Variants in ADAMTSL3 observed in about 807,000 individuals in gnomAD.
ADAMTSL3 encodes ADAMTS like 3.
ADAMTSL3 carries 128 observed loss-of-function variants against 201.7 expected under a neutral mutation model. The observed-to-expected ratio is 0.63, with a 90% CI of 0.55 to 0.73. The LOEUF (loss-of-function observed/expected upper bound fraction) is 0.73. ADAMTSL3 is among the 30% of genes least tolerant of loss of function. ADAMTSL3 has a pLI of 0.00. For synonymous variants in ADAMTSL3, 738 were observed against 748.4 expected (o/e 0.99, Z 0.23); for missense variants, 1,990 against 2,119.6 (o/e 0.94, Z 1.20).
chr15:84,031,530 A>G, intron 28 of ADAMTSL3, 98 bp downstream of exon 28: 1 of 1,061,974 alleles, frequency 9.4e-7, no homozygotes, highest in Non-Finnish European at 1.4e-6. Flanking sequence ...AGTTTCTACC[A>G]ACTCTCATAA....
chr15:83,891,438 C>T, intron 12 of ADAMTSL3, 59 bp downstream of exon 12: 2 of 1,416,282 alleles, frequency 1.4e-6, no homozygotes, highest in South Asian at 1.2e-5. Flanking sequence ...GGAACTGTAG[C>T]ATCTGTAGCA....
At chr15:84,030,242 G>A (rs1429175847) in intron 27 of ADAMTSL3, among the ~76,000 whole-genome samples, 2 of 152,152 alleles carry the variant, frequency 1.3e-5, no homozygotes, top group African/African-American at 4.8e-5. Context: ...GCCTGGAAAA[G>A]CCACAGTCAC....
intron 15 of ADAMTSL3, among the ~76,000 whole-genome samples, chr15:83,900,636 C>T (rs553377936): frequency 6.6e-5 from 10 of 152,330 alleles, no homozygotes; most frequent in South Asian, 2.1e-4. Context: ...CTTTCCCTCT[C>T]GGAGCAGGCA....
chr15:83,926,684 T>C (rs1048079273), intron 17 of ADAMTSL3, among the ~76,000 whole-genome samples: 4 of 151,292 alleles, frequency 2.6e-5, no homozygotes, highest in African/African-American at 7.3e-5. Context: ...CACAATCTTA[T>C]GGCTCGCTGC....
chr15:83,936,370 A>G (rs2066461148), intron 17 of ADAMTSL3, among the ~76,000 whole-genome samples: 1 of 150,974 alleles, frequency 6.6e-6, no homozygotes, highest in African/African-American at 2.5e-5. Context: ...ATAAATGCTC[A>G]CAAAAACACA....
At chr15:83,944,347 A>C (rs2066616950) in intron 19 of ADAMTSL3, among the ~76,000 whole-genome samples, 1 of 152,100 alleles carries the variant, frequency 6.6e-6, no homozygotes, top group Non-Finnish European at 1.5e-5. Flanking sequence ...ATTCCAAAAC[A>C]CATAATTAGT....
chr15:83,850,849 C>T (rs1306506688), intron 7 of ADAMTSL3, among the ~76,000 whole-genome samples: 2 of 152,196 alleles, frequency 1.3e-5, no homozygotes, highest in South Asian at 2.1e-4. Flanking sequence ...AGAACTGGGC[C>T]GTCTCTTGCA....
intron 2 of ADAMTSL3, among the ~76,000 whole-genome samples, chr15:83,690,213 C>T (rs193013375): frequency 2.0e-5 from 3 of 152,290 alleles, no homozygotes; most frequent in Admixed American, 2.0e-4. Flanking sequence ...CTTACCCTCC[C>T]ATCCATTCTT....
At chr15:83,793,056 C>G (rs73437286) in intron 4 of ADAMTSL3, among the ~76,000 whole-genome samples, 38 of 152,220 alleles carry the variant, frequency 2.5e-4, no homozygotes, top group African/African-American at 8.2e-4. Context: ...ACATGGAAGA[C>G]AGTATTTAAG....
chr15:83,662,596 GAAAGA>G lies in ADAMTSL3; in HGVS notation c.69+6770_69+6774del, dbSNP rs1223779437. Among the ~76,000 whole-genome samples, 746 of 126,642 alleles carry G rather than the reference GAAAGA, an allele frequency of 5.9e-3. 9 individuals carry two copies. The highest frequency in any genetic ancestry group is 6.3e-3 in the Non-Finnish European group (375 of 59,530). The allele number at this position is 126,642 out of a possible 152,430, so 83.1% of individuals were successfully genotyped here. A position where few individuals can be genotyped will look rare whatever the true frequency, so the allele number is the denominator to read the frequency against. ...AAAAAAAAAAAAGAAAAAAAAGAAA[GAAAGA>G]AAAAAAAAAAGTTCAGTTCATTTAA... On this transcript the variant is annotated intron_variant, in intron 2 of 29. Transcript: ENST00000286744.
intron 28 of ADAMTSL3, among the ~76,000 whole-genome samples, chr15:84,033,791 T>C (rs2068450323): frequency 6.6e-6 from 1 of 152,196 alleles, no homozygotes. Context: ...TTCTCAGATA[T>C]GTCACATACT....
intron 6 of ADAMTSL3, 43 bp from the exon 7 acceptor site, chr15:83,838,046 C>T (rs1404959777): frequency 3.2e-6 from 5 of 1,583,490 alleles, no homozygotes. Context: ...GCTCCCCCTC[C>T]CCTGGCTTTG....
intron 3 of ADAMTSL3, among the ~76,000 whole-genome samples, chr15:83,754,592 A>G (rs1332603460): frequency 6.6e-6 from 1 of 152,218 alleles, no homozygotes; most frequent in African/African-American, 2.4e-5. Context: ...TCTAGAAATA[A>G]CTAGTGTTCA....
At chr15:83,865,515 C>G (rs936580130) in intron 8 of ADAMTSL3, among the ~76,000 whole-genome samples, 21 of 152,024 alleles carry the variant, frequency 1.4e-4, no homozygotes, top group Non-Finnish European at 2.9e-4. Context: ...AATGGGGAAA[C>G]AATTCCCTAT....
intron 15 of ADAMTSL3, among the ~76,000 whole-genome samples, chr15:83,911,529 A>G (rs774904186): frequency 6.6e-5 from 10 of 152,200 alleles, no homozygotes; most frequent in Non-Finnish European, 5.9e-5. Flanking sequence ...AGACACATCA[A>G]ATATTAACTC....
chr15:83,836,240 T>A (rs1385336177), intron 6 of ADAMTSL3, among the ~76,000 whole-genome samples: 1 of 152,224 alleles, frequency 6.6e-6, no homozygotes, highest in Non-Finnish European at 1.5e-5. Context: ...AGACTATGAT[T>A]GAATACTTAT....
Position 83,827,753 on chromosome 15 carries a change from A to G in ADAMTSL3, c.600+7706A>G, listed in dbSNP as rs138012111. On this transcript the variant is annotated intron_variant, in intron 6 of 29. Coordinates refer to ENST00000286744, the MANE Select transcript of ADAMTSL3 (RefSeq NM_207517.3). ...ATGGCTAGTCATTTTTATTTTTGCC[A>G]GCACCATTTATTAAATAGAGAATCC... Among the ~76,000 whole-genome samples, 1,238 of 152,238 alleles carry G rather than the reference A, an allele frequency of 8.1e-3. 20 individuals are homozygous for G. Among genetic ancestry groups the G allele is most frequent in the African/African-American group, 0.029 (1,186 of 41,494 alleles).
intron 3 of ADAMTSL3, among the ~76,000 whole-genome samples, chr15:83,729,133 G>A (rs947580413): frequency 6.6e-6 from 1 of 151,928 alleles, no homozygotes; most frequent in African/African-American, 2.4e-5. Context: ...AGATATATTG[G>A]GGCTCCATTG....
chr15:83,892,483 T>G (rs1347098596), intron 12 of ADAMTSL3, among the ~76,000 whole-genome samples: 2 of 151,862 alleles, frequency 1.3e-5, no homozygotes, highest in Non-Finnish European at 1.5e-5. Flanking sequence ...TGAGCCAAGA[T>G]TGCGCCATTG....
Sources: gnomAD v4.1 joint callset for allele counts (sites outside exome capture counted in the v4.1 genomes callset) on GRCh38, gnomAD v4.1.1 for gene constraint, MANE v1.5 for transcripts, NCBI Gene and HGNC (gene_info 2026-07-23, HGNC 2026-07-21) for gene names.